The following SLC8A3 variants were observed in gnomAD, a reference collection of about 807,000 sequenced individuals.
The protein encoded by SLC8A3 is sodium/calcium exchanger 3.
SLC8A3 carries 37 observed loss-of-function variants against 65.4 expected under a neutral mutation model. The ratio of observed to expected loss-of-function variants is 0.57; its 90% confidence interval spans 0.44 to 0.74. The LOEUF (loss-of-function observed/expected upper bound fraction) is 0.74. Among genes scored for constraint, SLC8A3 ranks in the 30% least tolerant of loss-of-function variants. The pLI is 0.00. For synonymous variants in SLC8A3, 461 were observed against 444.5 expected, an observed-to-expected ratio of 1.04 and a Z score of -0.47; for missense variants, 1,112 against 1,172.1, an observed-to-expected ratio of 0.95 and a Z score of 0.75.
intron 2 of SLC8A3, among the ~76,000 whole-genome samples, chr14:70,110,609 T>G (rs1306812607): frequency 2.0e-5 from 3 of 152,046 alleles, no homozygotes; most frequent in Non-Finnish European, 2.9e-5. Flanking sequence ...GCACTTAGGT[T>G]GCTTCCAAAT....
At chr14:70,138,017 C>T (rs1288919845) in intron 2 of SLC8A3, among the ~76,000 whole-genome samples, 1 of 152,126 alleles carries the variant, frequency 6.6e-6, no homozygotes, top group Non-Finnish European at 1.5e-5. Flanking sequence ...CTGTCACTCC[C>T]CAGGGAGGGA....
chr14:70,059,047 A>C (rs1888471936), intron 3 of SLC8A3: 2 of 152,374 alleles, frequency 1.3e-5, no homozygotes, highest in South Asian at 4.1e-4. Context: ...AAACAATAGA[A>C]CCAGAGATAA....
At chr14:70,165,107 TGGAA>T (rs1897097726) in intron 2 of SLC8A3, among the ~76,000 whole-genome samples, 1 of 152,200 alleles carries the variant, frequency 6.6e-6, no homozygotes, top group Non-Finnish European at 1.5e-5. Context: ...ATCTTAGAGC[TGGAA>T]GGAACTGCAA....
intron 2 of SLC8A3, among the ~76,000 whole-genome samples, chr14:70,108,410 AAAAAGAAAAATG>A (rs1424138119): frequency 6.6e-6 from 1 of 151,862 alleles, no homozygotes; most frequent in Non-Finnish European, 1.5e-5. Flanking sequence ...AAAAAAAAAA[AAAAAGAAAAATG>A]AAAAAGAAAA....
intron 3 of SLC8A3, among the ~76,000 whole-genome samples, chr14:70,056,474 G>A (rs955024188): frequency 6.6e-6 from 1 of 152,170 alleles, no homozygotes; most frequent in African/African-American, 2.4e-5. Context: ...AAAAAGGTAA[G>A]TCCTGCAGAA....
At chr14:70,141,597 G>A (rs757070457) in intron 2 of SLC8A3, among the ~76,000 whole-genome samples, 1 of 152,178 alleles carries the variant, frequency 6.6e-6, no homozygotes, top group African/African-American at 2.4e-5. Flanking sequence ...GTTTCCATCT[G>A]TGGATCTCTT....
chr14:70,155,457 A>G (rs963178124), intron 2 of SLC8A3, among the ~76,000 whole-genome samples: 5 of 152,240 alleles, frequency 3.3e-5, no homozygotes, highest in Admixed American at 6.5e-5. Context: ...GCTCCCACAT[A>G]TGAGTGAGAA....
intron 2 of SLC8A3, among the ~76,000 whole-genome samples, chr14:70,139,802 G>A (rs940858334): frequency 6.6e-6 from 1 of 152,306 alleles, no homozygotes; most frequent in Admixed American, 6.5e-5. Context: ...CTTTGAGAGG[G>A]TCTACAGTGA....
At chr14:70,069,801 G>A (rs111891229) in intron 2 of SLC8A3, among the ~76,000 whole-genome samples, 67 of 152,280 alleles carry the variant, frequency 4.4e-4, no homozygotes, top group African/African-American at 1.3e-3. Context: ...GTGTCATCTC[G>A]TCCCTGAAAG....
Position 70,044,239 on chromosome 14 carries a change from C to A in SLC8A3, c.*1708G>T, listed in dbSNP as rs1886492064. 2 of 152,040 alleles carry A rather than the reference C, an allele frequency of 1.3e-5. No individual in the cohort carries two copies. The highest frequency in any genetic ancestry group is 2.9e-5 in the Non-Finnish European group (2 of 68,032). The allele number at this position is 152,040 out of a possible 1,614,324, so 9.4% of individuals were successfully genotyped here. ...CTGTATGTAGAGAGATATAGTATAG[C>A]TTTTATTTTTTTTTTGAACCAACCC... On this transcript the variant is annotated 3_prime_UTR_variant, in exon 7 of 7. Transcript: ENST00000356921.
At chr14:70,063,837 A>G (rs1365993441) in intron 2 of SLC8A3, 1 of 1,601,942 alleles carries the variant, frequency 6.2e-7, no homozygotes, top group African/African-American at 1.3e-5. Flanking sequence ...CTGAAAACTC[A>G]TATCCACCAT....
chr14:70,051,907 G>A, intron 4 of SLC8A3, 83 bp downstream of exon 4: 1 of 1,175,376 alleles, frequency 8.5e-7, no homozygotes, highest in Non-Finnish European at 1.2e-6. Flanking sequence ...ATTCACTAGT[G>A]AAAGTGGAAA....
At chr14:70,119,334 C>T (rs891833523) in intron 2 of SLC8A3, among the ~76,000 whole-genome samples, 2 of 152,126 alleles carry the variant, frequency 1.3e-5, no homozygotes, top group Admixed American at 6.5e-5. Context: ...AAATACTTTG[C>T]CCTGCTTTCT....
intron 2 of SLC8A3, among the ~76,000 whole-genome samples, chr14:70,066,200 G>C (rs1204624073): frequency 3.3e-5 from 5 of 152,200 alleles, no homozygotes; most frequent in Non-Finnish European, 2.9e-5. Flanking sequence ...GGGCATCACT[G>C]TTGGGACTTA....
Position 70,188,730 on chromosome 14 carries a change from G to A in SLC8A3, c.-414C>T, listed in dbSNP as rs766150067. On this transcript the variant is annotated 5_prime_UTR_variant, in exon 1 of 7. Coordinates refer to ENST00000356921, the MANE Select transcript of SLC8A3 (RefSeq NM_182932.3). Reference sequence around the variant, plus strand: ...GTGACTGGAATCTACGCCCGGGAGAGGCCCGGAGTCCCGGCCGCGGGCGGC... The same window carrying A: ...GTGACTGGAATCTACGCCCGGGAGAAGCCCGGAGTCCCGGCCGCGGGCGGC... 13 of 152,168 alleles carry A rather than the reference G, an allele frequency of 8.5e-5. No individual in the cohort carries two copies. Among genetic ancestry groups the A allele is most frequent in the Non-Finnish European group, 1.8e-4 (12 of 68,030 alleles). 9.4% of individuals were successfully genotyped at this position (152,168 alleles called of 1,614,324 possible).
chr14:70,095,345 C>A (rs1001061416), intron 2 of SLC8A3, among the ~76,000 whole-genome samples: 3 of 152,202 alleles, frequency 2.0e-5, no homozygotes, highest in Non-Finnish European at 4.4e-5. Flanking sequence ...AACCACATTT[C>A]CTGTAGAAAT....
At chr14:70,049,537 G>A (rs1047876076) in intron 5 of SLC8A3, among the ~76,000 whole-genome samples, 3 of 151,966 alleles carry the variant, frequency 2.0e-5, no homozygotes, top group South Asian at 4.2e-4. Flanking sequence ...TGTAGATGAC[G>A]GGTTGATGGG....
At chr14:70,068,843 C>T (rs1173794828) in intron 2 of SLC8A3, among the ~76,000 whole-genome samples, 1 of 152,184 alleles carries the variant, frequency 6.6e-6, no homozygotes, top group Non-Finnish European at 1.5e-5. Flanking sequence ...CTTCCCACCT[C>T]AGCCTACCGA....
intron 2 of SLC8A3, among the ~76,000 whole-genome samples, chr14:70,107,153 T>G (rs28435585): frequency 0.064 from 9,668 of 152,108 alleles, 339 homozygotes; most frequent in Non-Finnish European, 0.072. Context: ...TTTAGACTGA[T>G]TGGTTTCTAT....
Sources: allele counts gnomAD v4.1 joint callset (sites outside exome capture counted in the v4.1 genomes callset), GRCh38; gene constraint gnomAD v4.1.1; transcripts MANE v1.5; gene names NCBI Gene and HGNC (gene_info 2026-07-23, HGNC 2026-07-21).